RASSF5: variants seen among roughly 807,000 people sequenced by gnomAD.
The protein encoded by RASSF5 is ras association domain-containing protein 5.
A neutral mutation model predicts 40.5 loss-of-function variants in RASSF5; 25 were observed. That is an observed-to-expected ratio of 0.62 (90% CI 0.45 to 0.86). The LOEUF (loss-of-function observed/expected upper bound fraction) is 0.86. Ranked by LOEUF, RASSF5 falls within the 40% of genes least tolerant of loss-of-function variation. The pLI is 0.00. For synonymous variants in RASSF5, 246 were observed against 252.4 expected (o/e 0.97, Z 0.24); for missense variants, 521 against 572.8 (o/e 0.91, Z 0.92).
At chr1:206,532,288 C>T (rs1667262955) in intron 1 of RASSF5, among the ~76,000 whole-genome samples, 1 of 152,092 alleles carries the variant, frequency 6.6e-6, no homozygotes, top group South Asian at 2.1e-4. Flanking sequence ...CTCCACCTTC[C>T]AGGGCTTCTA....
At chr1:206,538,433 C>T (rs1466319217) in intron 2 of RASSF5, 140 bp downstream of exon 2, 4 of 1,158,596 alleles carry the variant, frequency 3.5e-6, no homozygotes, top group South Asian at 1.5e-5. Flanking sequence ...AGTTCACAGA[C>T]ACCCTGTTCC....
In RASSF5 at chr1:206,589,012, T is replaced by C. The variant is rs1051515255; in HGVS notation, c.*2034T>C. On this transcript the variant is annotated 3_prime_UTR_variant, in exon 6 of 6. Coordinates refer to ENST00000579436, the MANE Select transcript of RASSF5 (RefSeq NM_182663.4). The stretch of plus-strand genomic sequence containing the variant: ...ATAGCTATATATAAAGAGATAAGGG[T>C]GTTTATGAAATGAGAAAATTATTGG... 6.6e-6 allele frequency: 1 copy of C among 152,520 alleles called. No homozygotes were observed. Among genetic ancestry groups the C allele is most frequent in the African/African-American group, 2.4e-5 (1 of 41,354 alleles). The allele number at this position is 152,520 out of a possible 1,614,324, so 9.4% of individuals were successfully genotyped here.
At chr1:206,515,789 T>C (rs563760470) in intron 1 of RASSF5, among the ~76,000 whole-genome samples, 1 of 152,348 alleles carries the variant, frequency 6.6e-6, no homozygotes, top group African/African-American at 2.4e-5. Context: ...TGCAGGAGGC[T>C]GTTTTTTCTA....
chr1:206,560,133 A>G lies in RASSF5; in HGVS notation c.579+21840A>G, dbSNP rs973174158. Among the ~76,000 whole-genome samples the G allele has an allele frequency of 8.5e-5, 13 of 152,216 alleles. No individual in the cohort carries two copies. Among genetic ancestry groups the G allele is most frequent in the Non-Finnish European group, 1.3e-4 (9 of 68,042 alleles). On this transcript the variant is annotated intron_variant, in intron 2 of 5. Coordinates refer to ENST00000579436, the MANE Select transcript of RASSF5 (RefSeq NM_182663.4). This position sits in a 1 kb window ranked among gnomAD's most constrained non-coding sequence, Gnocchi z 5.1. ...ATTTCTTTTTCCTGTCTCCAAGGAA[A>G]GGAGTTGATGTGTTTCCCGGTCGTC...
At chr1:206,544,404 T>C (rs1667623085) in intron 2 of RASSF5, 3 of 152,234 alleles carry the variant, frequency 2.0e-5, no homozygotes, top group Admixed American at 2.0e-4. Flanking sequence ...GCCCTCAGAA[T>C]GAGTCTAAAT....
chr1:206,526,041 C>A (rs1332179231), intron 1 of RASSF5, among the ~76,000 whole-genome samples: 2 of 152,174 alleles, frequency 1.3e-5, no homozygotes, highest in Non-Finnish European at 2.9e-5. Context: ...TAAAGCCCTC[C>A]ACCCCAACCC....
intron 2 of RASSF5, among the ~76,000 whole-genome samples, chr1:206,578,260 G>GTGTGTGTGTA (rs1339815554): frequency 7.1e-4 from 107 of 151,170 alleles, no homozygotes; most frequent in African/African-American, 2.3e-3. Context: ...GTGTGTGTGT[G>GTGTGTGTGTA]TGTAAGTAGA....
At chr1:206,574,539 TCTGTTAATACA>T (rs1668564648) in intron 2 of RASSF5, among the ~76,000 whole-genome samples, 1 of 152,202 alleles carries the variant, frequency 6.6e-6, no homozygotes, top group Non-Finnish European at 1.5e-5. Flanking sequence ...TTCCCTCTGC[TCTGTTAATACA>T]CCCTACCAGA....
At chr1:206,512,335 G>A (rs1666639335) in intron 1 of RASSF5, among the ~76,000 whole-genome samples, 1 of 152,092 alleles carries the variant, frequency 6.6e-6, no homozygotes. Flanking sequence ...CCTGCTTCCT[G>A]TCTTATCAAA....
At position 206,587,324 on chromosome 1, in the gene RASSF5, G is replaced by T; in HGVS notation, c.*346G>T. On this transcript the variant is annotated 3_prime_UTR_variant, in exon 6 of 6. Transcript: ENST00000579436. ...ACCAGCCGGCAAAGGAAGGAAGAAA[G>T]GTTTTAGAGCTGTGTGTTCTTTCTC... The T allele has an allele frequency of 8.6e-6, 3 of 348,692 alleles. No homozygotes were observed. Among genetic ancestry groups the T allele is most frequent in the East Asian group, 7.6e-5 (1 of 13,176 alleles). The allele number at this position is 348,692 out of a possible 1,614,324, so 21.6% of individuals were successfully genotyped here.
At chr1:206,553,700 G>A (rs538216662) in intron 2 of RASSF5, among the ~76,000 whole-genome samples, 1 of 152,324 alleles carries the variant, frequency 6.6e-6, no homozygotes, top group East Asian at 1.9e-4. Flanking sequence ...AAGGAGAGCA[G>A]GGGTACACAG....
intron 1 of RASSF5, among the ~76,000 whole-genome samples, chr1:206,516,732 C>T (rs559869083): frequency 3.9e-5 from 6 of 152,288 alleles, no homozygotes; most frequent in East Asian, 1.9e-4. Flanking sequence ...GCTGGGATTA[C>T]GGGCATCAGC....
rs575189041 is a variant in RASSF5 at position 206,522,614 on chromosome 1, G to A, written c.457+14555G>A. ...CTCTTACCATTCTTGGCCAAGGGGG[G>A]ATTCTCAGGACTGCTCTGTGATGTG... On this transcript the variant is annotated intron_variant, in intron 1 of 5. Transcript: ENST00000579436. Among the ~76,000 whole-genome samples the A allele has an allele frequency of 1.8e-4, 28 of 152,202 alleles. No individual in the cohort carries two copies. In the East Asian group the frequency reaches 5.0e-3, roughly 27 times the overall value.
chr1:206,569,077 G>A (rs1194945445), intron 2 of RASSF5, among the ~76,000 whole-genome samples: 6 of 152,268 alleles, frequency 3.9e-5, no homozygotes, highest in African/African-American at 1.4e-4. Flanking sequence ...TGAACCTCCT[G>A]TAGGGGCCAA....
At chr1:206,581,500 G>A (rs1284693929) in intron 2 of RASSF5, among the ~76,000 whole-genome samples, 1 of 152,170 alleles carries the variant, frequency 6.6e-6, no homozygotes, top group African/African-American at 2.4e-5. Flanking sequence ...TTGGGAGGCT[G>A]AGGCAGGAGA....
At chr1:206,523,998 A>G (rs1242354097) in intron 1 of RASSF5, among the ~76,000 whole-genome samples, 1 of 120,430 alleles carries the variant, frequency 8.3e-6, no homozygotes, top group African/African-American at 3.4e-5. Context: ...TGTATATCAT[A>G]TATAGTATAT....
In RASSF5 at chr1:206,538,212, C is replaced by T; in HGVS notation, c.498C>T (p.Ile166=). 6.2e-7 allele frequency: 1 copy of T among 1,614,224 alleles called. No individual in the cohort carries two copies. The highest frequency in any genetic ancestry group is 2.2e-5 in the East Asian group (1 of 44,888). Residue 166 remains isoleucine, a synonymous_variant, in exon 2 of 6, where the codon ATC becomes ATT. Coordinates refer to ENST00000579436, the MANE Select transcript of RASSF5 (RefSeq NM_182663.4). ...FTCHPECRSL[I]QLDCSQQEGL... is the part of the protein sequence containing the mutation. The stretch of plus-strand genomic sequence containing the variant: ...GTCACCCAGAATGCCGCAGCCTGAT[C>T]CAGTTGGACTGCAGTCAGCAGGAGG...
intron 1 of RASSF5, among the ~76,000 whole-genome samples, chr1:206,527,910 C>T (rs1000668751): frequency 6.6e-6 from 1 of 152,168 alleles, no homozygotes; most frequent in South Asian, 2.1e-4. Context: ...TCACTCTCCA[C>T]CCTGCTGCTC....
At chr1:206,554,600 G>A (rs782745535) in intron 2 of RASSF5, among the ~76,000 whole-genome samples, 2 of 152,112 alleles carry the variant, frequency 1.3e-5, no homozygotes, top group African/African-American at 4.8e-5. Context: ...TCCTTTGTGC[G>A]ATCACATCTC....
Sources: gnomAD v4.1 joint callset for allele counts (sites outside exome capture counted in the v4.1 genomes callset) on GRCh38, gnomAD v4.1.1 for gene constraint, Gnocchi (gnomAD v3.1) non-coding constraint, MANE v1.5 for transcripts, NCBI Gene and HGNC (gene_info 2026-07-23, HGNC 2026-07-21) for gene names.